Variants in COL4A3 observed in about 807,000 individuals in gnomAD.
COL4A3 encodes the protein collagen type IV alpha 3 chain, also known as collagen alpha-3(IV) chain.
Under a neutral mutation model 217.4 loss-of-function variants are expected in COL4A3, and 135 were observed. The ratio of observed to expected loss-of-function variants is 0.62; its 90% CI spans 0.54 to 0.72. COL4A3 has a LOEUF of 0.72. Ranked by LOEUF, COL4A3 falls within the 30% of genes least tolerant of loss-of-function variation. COL4A3 has a pLI of 0.00. For synonymous variants in COL4A3, 690 were observed against 736.3 expected, an observed-to-expected ratio of 0.94 and a Z score of 1.02; for missense variants, 1,868 against 2,119.9, an observed-to-expected ratio of 0.88 and a Z score of 2.33.
chr2:227,272,949 G>A lies in COL4A3; in HGVS notation c.1759G>A (p.Ala587Thr), dbSNP rs764680234. Reference protein sequence around the residue: ...KGLPGPKGELALSGEKGDQGP... With the variant: ...KGLPGPKGELTLSGEKGDQGP... ...TTCAAACACATTCCTGTTGTCACAG[G>A]CTCTGAGTGGTGAGAAAGGGGACCA... Residue 587 changes from alanine to threonine, a missense_variant and splice_region_variant, in exon 26 of 52, where the codon GCT becomes ACT. Physicochemically the swap from Ala to Thr is moderately conservative, Grantham distance 58. This residue lies in a region of COL4A3 where 1,503 missense variants were observed against 1,786.1 expected (regional missense o/e 0.84). Coordinates refer to ENST00000396578, the MANE Select transcript of COL4A3 (RefSeq NM_000091.5). 1.2e-6 allele frequency: 2 copies of A among 1,614,046 alleles called. No individual in the cohort carries two copies. The highest frequency in any genetic ancestry group is 1.7e-6 in the Non-Finnish European group (2 of 1,179,980).
At chr2:227,210,779 G>A (rs561293228) in intron 1 of COL4A3, among the ~76,000 whole-genome samples, 1 of 152,196 alleles carries the variant, frequency 6.6e-6, no homozygotes, top group African/African-American at 2.4e-5. Flanking sequence ...AGACTTTTAT[G>A]TTACCTATTT....
At chr2:227,196,768 T>C (rs1397325090) in intron 1 of COL4A3, among the ~76,000 whole-genome samples, 1 of 152,200 alleles carries the variant, frequency 6.6e-6, no homozygotes, top group African/African-American at 2.4e-5. Context: ...AACCTACATA[T>C]GGTTGTAGGT....
intron 35 of COL4A3, 89 bp from the exon 36 acceptor site, chr2:227,289,910 T>C (rs1315947267): frequency 1.6e-6 from 2 of 1,264,748 alleles, no homozygotes; most frequent in African/African-American, 2.9e-5. Context: ...TGTTCTGCAT[T>C]CATTCATGCA....
Position 227,251,151 on chromosome 2 carries a change from C to T in COL4A3, c.558C>T (p.Gly186=), listed in dbSNP as rs1253092030. 1.2e-6 allele frequency: 2 copies of T among 1,613,258 alleles called. No homozygotes were observed. The highest frequency in any genetic ancestry group is 1.7e-6 in the Non-Finnish European group (2 of 1,179,222). Residue 186 remains glycine (G), a synonymous_variant, in exon 10 of 52, where the codon GGC becomes GGT. Coordinates refer to ENST00000396578, the MANE Select transcript of COL4A3 (RefSeq NM_000091.5). ...CTCTCAATTTCAAGGGTTTGCCAGG[C>T]CCTCCAGGTTTTCCTGGGCCTGTTG... is the stretch of plus-strand genomic sequence containing the variant. ...PGAPGPQGLP[G]PPGFPGPVGP...
At chr2:227,296,428 T>TA (rs1368993217) in intron 41 of COL4A3, 2 of 862,958 alleles carry the variant, frequency 2.3e-6, no homozygotes, top group African/African-American at 3.6e-5. Flanking sequence ...TTAAAAGCCT[T>TA]AAAACTAACA....
At chr2:227,203,217 A>G (rs1288635666) in intron 1 of COL4A3, among the ~76,000 whole-genome samples, 2 of 22,420 alleles carry the variant, frequency 8.9e-5, no homozygotes, top group Admixed American at 6.1e-4. Flanking sequence ...ATATACACAC[A>G]TATATGTGTA....
At chr2:227,197,710 A>G (rs2066535452) in intron 1 of COL4A3, among the ~76,000 whole-genome samples, 1 of 152,186 alleles carries the variant, frequency 6.6e-6, no homozygotes, top group Admixed American at 6.5e-5. Flanking sequence ...ATACACACCT[A>G]TCTTGGAAAA....
chr2:227,246,088 T>C, intron 6 of COL4A3, 72 bp downstream of exon 6: 3 of 1,210,622 alleles, frequency 2.5e-6, no homozygotes, highest in Non-Finnish European at 3.7e-6. Flanking sequence ...GAAATGGCAA[T>C]GAAAGGCAGA....
chr2:227,228,310 G>A (rs1011674097), intron 1 of COL4A3, among the ~76,000 whole-genome samples: 1 of 152,248 alleles, frequency 6.6e-6, no homozygotes, highest in African/African-American at 2.4e-5. Context: ...GGTTGCTTAA[G>A]GCAGACACGG....
Position 227,253,683 on chromosome 2 carries a change from A to G in COL4A3, c.765+45A>G, listed in dbSNP as rs370533429. ...ATTAGTGTTGTGCCTTCCCGTGTCT[A>G]GGATGAAGTCCTTGTGACCCTGCAC... On this transcript the variant is annotated intron_variant, in intron 13 of 51. Transcript: ENST00000396578. The surrounding 1 kb of genome is among the most constrained non-coding windows in gnomAD (Gnocchi z 4.4). 12 of 1,517,940 alleles carry G rather than the reference A, an allele frequency of 7.9e-6. No homozygotes were observed. In the African/African-American group the frequency reaches 1.6e-4, roughly 21 times the overall value. 94.0% of individuals were successfully genotyped at this position (1,517,940 alleles called of 1,614,324 possible).
At chr2:227,206,351 G>C (rs2067100680) in intron 1 of COL4A3, among the ~76,000 whole-genome samples, 1 of 152,172 alleles carries the variant, frequency 6.6e-6, no homozygotes, top group African/African-American at 2.4e-5. Flanking sequence ...GGGATTACAG[G>C]CCTGAGCCAC....
chr2:227,181,587 G>A (rs1280120830), intron 1 of COL4A3, among the ~76,000 whole-genome samples: 1 of 152,118 alleles, frequency 6.6e-6, no homozygotes, highest in African/African-American at 2.4e-5. Context: ...ATTAGAACCT[G>A]GGGATAACCA....
In COL4A3 at chr2:227,185,752, A is replaced by C. The variant is rs574046869; in HGVS notation, c.87+20939A>C. On this transcript the variant is annotated intron_variant, in intron 1 of 51. Coordinates refer to ENST00000396578, the MANE Select transcript of COL4A3 (RefSeq NM_000091.5). ...TACTGGTTTTCAAACTTCAGTGTGC[A>C]TGAGAGGGAGTGTATTTGAAAATGC... Among the ~76,000 whole-genome samples the C allele has an allele frequency of 6.6e-5, 10 of 152,334 alleles. No individual in the cohort carries two copies. In the South Asian group the frequency reaches 1.9e-3, roughly 28 times the overall value.
chr2:227,224,923 C>G (rs1180632235), intron 1 of COL4A3, among the ~76,000 whole-genome samples: 2 of 151,422 alleles, frequency 1.3e-5, no homozygotes, highest in Admixed American at 1.3e-4. Context: ...TTGTTTTGTT[C>G]TTGTTTTTGA....
intron 1 of COL4A3, among the ~76,000 whole-genome samples, chr2:227,192,501 CATAA>C (rs1052477338): frequency 3.3e-5 from 5 of 152,070 alleles, no homozygotes; most frequent in Non-Finnish European, 5.9e-5. Flanking sequence ...ATGCTGTATA[CATAA>C]ATGTGAACCC....
chr2:227,244,495 C>A (rs1321781585), intron 4 of COL4A3, 131 bp downstream of exon 4: 6 of 901,242 alleles, frequency 6.7e-6, no homozygotes, highest in Admixed American at 4.0e-5. Flanking sequence ...TAATACTAAT[C>A]TGTAATGGTA....
At chr2:227,310,749 T>G (rs1559924813) in intron 50 of COL4A3, 27 bp from the exon 51 acceptor site, 1 of 1,607,824 alleles carries the variant, frequency 6.2e-7, no homozygotes, top group Non-Finnish European at 8.5e-7. Flanking sequence ...GACAGAGTGT[T>G]TATTCAGATT....
At chr2:227,187,726 A>C (rs187688306) in intron 1 of COL4A3, among the ~76,000 whole-genome samples, 5 of 152,204 alleles carry the variant, frequency 3.3e-5, no homozygotes, top group Admixed American at 3.3e-4. Flanking sequence ...CAACCAACGC[A>C]TGTATGTCCT....
intron 1 of COL4A3, among the ~76,000 whole-genome samples, chr2:227,208,580 G>A (rs568527118): frequency 2.6e-5 from 4 of 152,014 alleles, no homozygotes; most frequent in Non-Finnish European, 5.9e-5. Flanking sequence ...GCCCCTACCC[G>A]CCAAACTATC....
Sources: allele counts gnomAD v4.1 joint callset (sites outside exome capture counted in the v4.1 genomes callset), GRCh38; gene constraint gnomAD v4.1.1; regional missense constraint gnomAD v4.1.1; non-coding constraint Gnocchi (gnomAD v3.1); transcripts MANE v1.5; gene names NCBI Gene and HGNC (gene_info 2026-07-23, HGNC 2026-07-21).